Variants in TP53I11 observed in about 807,000 individuals in gnomAD.
TP53I11 encodes tumor protein p53 inducible protein 11.
In TP53I11, 9 loss-of-function variants were observed where a neutral mutation model predicts 23.3. That is an observed-to-expected ratio of 0.39 (90% CI 0.23 to 0.67). The LOEUF is 0.67. Among genes scored for constraint, TP53I11 ranks in the 30% least tolerant of loss-of-function variants. The pLI, the probability that TP53I11 is intolerant of heterozygous loss-of-function variation, is 0.48. For synonymous variants in TP53I11, 100 were observed against 106.1 expected (o/e 0.94, Z 0.35); for missense variants, 170 against 255.2 (o/e 0.67, Z 2.27).
upstream of TP53I11, chr11:44,951,001 G>C (rs1565142893): frequency 6.6e-6 from 1 of 151,976 alleles, no homozygotes; most frequent in African/African-American, 2.4e-5. Context: ...CGGGATGGGG[G>C]TTGGCGGGGA....
intron 2 of TP53I11, 38 bp downstream of exon 2, chr11:44,938,169 C>T (rs1861368562): frequency 6.3e-7 from 1 of 1,596,816 alleles, no homozygotes; most frequent in East Asian, 2.3e-5. Flanking sequence ...AGCCTGGCCT[C>T]CCCAGTGGGT....
At chr11:44,945,248 C>T (rs939972555) in intron 1 of TP53I11, among the ~76,000 whole-genome samples, 3 of 152,200 alleles carry the variant, frequency 2.0e-5, no homozygotes, top group African/African-American at 7.2e-5. Flanking sequence ...GCCACCTACC[C>T]CGGGGCTGGG....
chr11:44,944,108 T>TACTC (rs1862164022), intron 1 of TP53I11, among the ~76,000 whole-genome samples: 4 of 152,164 alleles, frequency 2.6e-5, no homozygotes, highest in Admixed American at 1.3e-4. Flanking sequence ...GCGCCTTACT[T>TACTC]GCCTTACTCA....
chr11:44,943,383 C>T (rs537018472), intron 1 of TP53I11, among the ~76,000 whole-genome samples: 7 of 152,304 alleles, frequency 4.6e-5, no homozygotes, highest in African/African-American at 1.7e-4. Context: ...AGGCTGGGGG[C>T]AGGGGCAGCA....
intron 1 of TP53I11, chr11:44,946,945 T>C (rs1862444439): frequency 4.4e-6 from 2 of 449,884 alleles, no homozygotes; most frequent in African/African-American, 4.0e-5. Flanking sequence ...TCTTTCTTTT[T>C]GAAGGGGCCC....
Position 44,936,482 on chromosome 11 carries a change from T to C in TP53I11, c.334+321A>G, listed in dbSNP as rs1348429013. On this transcript the variant is annotated intron_variant, in intron 5 of 6. Transcript: ENST00000525680. The surrounding 1 kb of genome is among the most constrained non-coding windows in gnomAD (Gnocchi z 4.4). The stretch of plus-strand genomic sequence containing the variant: ...ACACTGAATTGATCTGCCTCTCCTC[T>C]AGGCTGTGAATTCCTAGAGGCTGGG... The C allele has an allele frequency of 2.4e-6, 3 of 1,240,154 alleles. No homozygotes were observed. The highest frequency in any genetic ancestry group is 3.0e-6 in the Non-Finnish European group (3 of 992,956). The allele number at this position is 1,240,154 out of a possible 1,614,324, so 76.8% of individuals were successfully genotyped here.
At position 44,934,779 on chromosome 11, in the gene TP53I11, G is replaced by GGGGCA; in HGVS notation, c.*100_*104dup. 6.7e-7 allele frequency: 1 copy of GGGGCA among 1,498,318 alleles called. No homozygotes were observed. 92.8% of individuals were successfully genotyped at this position (1,498,318 alleles called of 1,614,324 possible). ...CCCCCTGCCTCCCTGGGGCAGGACT[G>GGGGCA]GGGCAGGGCAGGGGACCCTCCTGCC... On this transcript the variant is annotated 3_prime_UTR_variant, in exon 7 of 7. Coordinates refer to ENST00000525680, the MANE Select transcript of TP53I11 (RefSeq NM_006034.5).
intron 6 of TP53I11, 123 bp from the exon 7 acceptor site, chr11:44,935,140 C>A: frequency 6.9e-7 from 1 of 1,442,754 alleles, no homozygotes; most frequent in Non-Finnish European, 9.4e-7. Context: ...CAGGATCCTC[C>A]CAGGTGGGAA....
At chr11:44,937,653 A>C in intron 2 of TP53I11, 40 bp from the exon 3 acceptor site, 1 of 1,600,456 alleles carries the variant, frequency 6.2e-7, no homozygotes, top group Non-Finnish European at 8.5e-7. Context: ...GGGTGAGGGC[A>C]GCTCTCAGCG....
In TP53I11 at chr11:44,933,143, C is replaced by A. The variant is rs1035944977; in HGVS notation, c.*1741G>T. ...CAAGAGACAGATGCCAGGAGAGGGG[C>A]CCTTCCTCAGGGTCCAGCCTCCCAT... On this transcript the variant is annotated 3_prime_UTR_variant, in exon 7 of 7. Transcript: ENST00000525680. 2 of 152,148 alleles carry A rather than the reference C, an allele frequency of 1.3e-5. No homozygotes were observed. The highest frequency in any genetic ancestry group is 2.4e-5 in the African/African-American group (1 of 41,416). 9.4% of individuals were successfully genotyped at this position (152,148 alleles called of 1,614,324 possible).
Position 44,934,917 on chromosome 11 carries a change from A to AT in TP53I11, c.536dup (p.Tyr179Ter). The change falls in exon 7 of 7, where the codon TAT becomes TAAT. Residue 179 changes from tyrosine to a stop codon, truncating the protein, a stop_gained and frameshift_variant. Coordinates refer to ENST00000525680, the MANE Select transcript of TP53I11 (RefSeq NM_006034.5). LOFTEE classifies it high-confidence loss of function. ...LLFVVISIYY[Y>*]YQVGRRPKKA ...TCTTGGGTCTTCGGCCGACTTGGTAATAGTAGTAAATGCTGATGACGACAA... is the reference window on the plus strand; with the variant it reads ...TCTTGGGTCTTCGGCCGACTTGGTAATTAGTAGTAAATGCTGATGACGACAA... 1.9e-6 allele frequency: 3 copies of AT among 1,614,154 alleles called. No homozygotes were observed. The highest frequency in any genetic ancestry group is 2.5e-6 in the Non-Finnish European group (3 of 1,179,992).
At chr11:44,938,560 C>A in intron 1 of TP53I11, 194 bp from the exon 2 acceptor site, 1 of 585,218 alleles carries the variant, frequency 1.7e-6, no homozygotes, top group Non-Finnish European at 2.8e-6. Flanking sequence ...GCCCCTGAGG[C>A]TCTGGGAGCT....
chr11:44,933,033 A>T lies in TP53I11; in HGVS notation c.*1851T>A, dbSNP rs1266765950. 4.5e-5 allele frequency: 1 copy of T among 22,092 alleles called. No individual in the cohort carries two copies. The highest frequency in any genetic ancestry group is 5.6e-4 in the Admixed American group (1 of 1,790). The allele number at this position is 22,092 out of a possible 1,614,324, so 1.4% of individuals were successfully genotyped here. Reference sequence around the variant, plus strand: ...ATTGGCGGCACCACCTGTGGGCAGCAGCGGGAGGCAGTGGTGGCTCGTGGC... The same window carrying T: ...ATTGGCGGCACCACCTGTGGGCAGCTGCGGGAGGCAGTGGTGGCTCGTGGC... On this transcript the variant is annotated 3_prime_UTR_variant, in exon 7 of 7. Coordinates refer to ENST00000525680, the MANE Select transcript of TP53I11 (RefSeq NM_006034.5).
At chr11:44,935,067 C>T (rs770066833) in intron 6 of TP53I11, 50 bp from the exon 7 acceptor site, 1 of 1,606,936 alleles carries the variant, frequency 6.2e-7, no homozygotes, top group Non-Finnish European at 8.5e-7. Flanking sequence ...GGGGATGTGT[C>T]CCAGCGCTGC....
rs1007007149 is a variant in TP53I11, at chr11:44,935,700, A to G, written c.335-38T>C. ...ATGAAAAGGGGGCTGGGGGTGGGACAGCTGACTCCCTCCCAGCAGGGCAGG... is the reference window on the plus strand; with the variant it reads ...ATGAAAAGGGGGCTGGGGGTGGGACGGCTGACTCCCTCCCAGCAGGGCAGG... On this transcript the variant is annotated intron_variant, in intron 5 of 6. Coordinates refer to ENST00000525680, the MANE Select transcript of TP53I11 (RefSeq NM_006034.5). The G allele has an allele frequency of 5.1e-6, 7 of 1,363,354 alleles. No individual in the cohort carries two copies. The Admixed American group carries it at 1.1e-4, about 21-fold the overall frequency. 84.5% of individuals were successfully genotyped at this position (1,363,354 alleles called of 1,614,324 possible). A position where few individuals can be genotyped will look rare whatever the true frequency, so the allele number is the denominator to read the frequency against.
At chr11:44,942,423 A>G (rs12222045) in intron 1 of TP53I11, among the ~76,000 whole-genome samples, 72,612 of 140,476 alleles carry the variant, frequency 0.52, 19,124 homozygotes, top group East Asian at 0.8. Context: ...CCACACACAC[A>G]CACCATACAC....
In TP53I11 at chr11:44,934,688, T is replaced by C; in HGVS notation, c.*196A>G. 2 of 684,446 alleles carry C rather than the reference T, an allele frequency of 2.9e-6. No homozygotes were observed. Among genetic ancestry groups the C allele is most frequent in the Non-Finnish European group, 4.8e-6 (2 of 418,774 alleles). 42.4% of individuals were successfully genotyped at this position (684,446 alleles called of 1,614,324 possible). ...GGCCCTGTCTCTCCCCAGACCAGCATGTCAAGCCTGAAAGCCCAGGAGATC... is the reference window on the plus strand; with the variant it reads ...GGCCCTGTCTCTCCCCAGACCAGCACGTCAAGCCTGAAAGCCCAGGAGATC... On this transcript the variant is annotated 3_prime_UTR_variant, in exon 7 of 7. Coordinates refer to ENST00000525680, the MANE Select transcript of TP53I11 (RefSeq NM_006034.5).
At chr11:44,935,772 T>C (rs967999452) in intron 5 of TP53I11, 110 bp from the exon 6 acceptor site, 1 of 744,058 alleles carries the variant, frequency 1.3e-6, no homozygotes, top group Non-Finnish European at 2.3e-6. Flanking sequence ...ACAGCTGGGG[T>C]CCTGGACTCC....
At chr11:44,941,814 G>A (rs116511569) in intron 1 of TP53I11, among the ~76,000 whole-genome samples, 4,185 of 152,162 alleles carry the variant, frequency 0.028, 188 homozygotes, top group African/African-American at 0.094. Context: ...CTCAGTCCCC[G>A]GGCACAAGGC....
Sources: allele counts gnomAD v4.1 joint callset (sites outside exome capture counted in the v4.1 genomes callset), GRCh38; gene constraint gnomAD v4.1.1; non-coding constraint Gnocchi (gnomAD v3.1); transcripts MANE v1.5; gene names NCBI Gene and HGNC (gene_info 2026-07-23, HGNC 2026-07-21).